The following RNPEP variants were observed in gnomAD, a reference collection of about 807,000 sequenced individuals.
RNPEP encodes the protein aminopeptidase B.
RNPEP carries 57 observed loss-of-function variants against 70.1 expected under a neutral mutation model. The observed-to-expected ratio is 0.81, with a 90% confidence interval of 0.66 to 1.01. RNPEP has a LOEUF of 1.01. Among genes scored for constraint, RNPEP ranks in the 50% least tolerant of loss-of-function variants. The pLI is 0.00. For synonymous variants in RNPEP, 335 were observed against 357.4 expected, an observed-to-expected ratio of 0.94 and a Z score of 0.71; for missense variants, 787 against 852.4, an observed-to-expected ratio of 0.92 and a Z score of 0.96.
intron 4 of RNPEP, among the ~76,000 whole-genome samples, 155 bp from the exon 5 acceptor site, chr1:201,997,164 G>A (rs1030192146): frequency 1.4e-5 from 2 of 143,360 alleles, no homozygotes; most frequent in Admixed American, 6.9e-5. Context: ...GCATTGAGGA[G>A]CCTGGGCTTT....
rs536367530 is a variant in RNPEP, at chr1:201,985,377, G to A, written c.447+2264G>A. 9.9e-5 allele frequency among the ~76,000 whole-genome samples: 15 copies of A among 151,912 alleles called. No homozygotes were observed. The South Asian group carries it at 2.1e-3, about 21-fold the overall frequency. On this transcript the variant is annotated intron_variant, in intron 1 of 10. Coordinates refer to ENST00000295640, the MANE Select transcript of RNPEP (RefSeq NM_020216.4). ...CCACCTTAGCCTCCTGAGTAGCTGG[G>A]GTAGCTGGGACCAACCACAGACCTG...
At chr1:202,002,271 C>T (rs987991157) in intron 8 of RNPEP, among the ~76,000 whole-genome samples, 5 of 151,316 alleles carry the variant, frequency 3.3e-5, no homozygotes, top group African/African-American at 1.2e-4. Context: ...TCAAGCGATT[C>T]TCCTGCCTCA....
At chr1:201,991,365 G>A (rs560071879) in intron 3 of RNPEP, among the ~76,000 whole-genome samples, 15 of 152,176 alleles carry the variant, frequency 9.9e-5, no homozygotes, top group African/African-American at 2.9e-4. Context: ...CATCCACCTC[G>A]GCCTCCCAAA....
chr1:201,991,962 C>T (rs778499649), intron 3 of RNPEP, among the ~76,000 whole-genome samples: 15 of 152,214 alleles, frequency 9.9e-5, no homozygotes, highest in Middle Eastern at 3.4e-3. Context: ...TCATCTTTGG[C>T]GACTTTTCTC....
chr1:202,003,203 G>T (rs1276987350), intron 8 of RNPEP, 34 bp from the exon 9 acceptor site: 1 of 1,553,340 alleles, frequency 6.4e-7, no homozygotes, highest in African/African-American at 1.4e-5. Flanking sequence ...CCTGGCCAGA[G>T]AATTCTGATA....
chr1:201,992,383 C>T (rs1462630175), intron 3 of RNPEP, among the ~76,000 whole-genome samples: 4 of 152,124 alleles, frequency 2.6e-5, no homozygotes, highest in African/African-American at 9.7e-5. Context: ...CTGTCAGCCA[C>T]CCATATTCAC....
rs143734127 is a variant in RNPEP, at chr1:201,988,556, A to C, written c.448-348A>C. Reference sequence around the variant, plus strand: ...TCACAAGTCCAAATGCAGTTGCTTCAGTAGTTTTTTGTTTGATGAGAAACT... The same window carrying C: ...TCACAAGTCCAAATGCAGTTGCTTCCGTAGTTTTTTGTTTGATGAGAAACT... On this transcript the variant is annotated intron_variant, in intron 1 of 10. Coordinates refer to ENST00000295640, the MANE Select transcript of RNPEP (RefSeq NM_020216.4). Among the ~76,000 whole-genome samples the C allele has an allele frequency of 2.7e-3, 404 of 152,058 alleles. 5 individuals are homozygous for C. The highest frequency in any genetic ancestry group is 9.4e-3 in the African/African-American group (390 of 41,470).
At chr1:202,002,784 T>A (rs1015779899) in intron 8 of RNPEP, among the ~76,000 whole-genome samples, 6 of 152,174 alleles carry the variant, frequency 3.9e-5, no homozygotes, top group African/African-American at 1.4e-4. Flanking sequence ...CTCATAACCA[T>A]CACGGAGGCA....
intron 1 of RNPEP, among the ~76,000 whole-genome samples, chr1:201,985,780 T>G (rs1283877558): frequency 1.3e-5 from 2 of 152,190 alleles, no homozygotes; most frequent in Non-Finnish European, 2.9e-5. Flanking sequence ...GAGTCCATAG[T>G]TTTTTCAGAT....
chr1:202,002,278 C>T (rs1213908714), intron 8 of RNPEP, among the ~76,000 whole-genome samples: 4 of 152,082 alleles, frequency 2.6e-5, no homozygotes, highest in African/African-American at 9.7e-5. Flanking sequence ...ATTCTCCTGC[C>T]TCAGCCTCCC....
intron 1 of RNPEP, among the ~76,000 whole-genome samples, chr1:201,987,777 A>G (rs1440295845): frequency 6.6e-6 from 1 of 152,088 alleles, no homozygotes; most frequent in African/African-American, 2.4e-5. Context: ...GAACACAGAT[A>G]AAGAATCATA....
intron 1 of RNPEP, among the ~76,000 whole-genome samples, chr1:201,987,348 T>C (rs4950809): frequency 0.99 from 150,906 of 151,740 alleles, 75,042 homozygotes; most frequent in East Asian, 1. Context: ...CTATGCTCCA[T>C]CCTGCCCCTC....
chr1:202,004,147 C>G (rs1433537611), intron 9 of RNPEP, among the ~76,000 whole-genome samples: 2 of 152,160 alleles, frequency 1.3e-5, no homozygotes, highest in Non-Finnish European at 2.9e-5. Flanking sequence ...ACCTCAGCCT[C>G]CAAGTAGCTG....
At chr1:201,986,542 T>C (rs1274726744) in intron 1 of RNPEP, among the ~76,000 whole-genome samples, 5 of 151,324 alleles carry the variant, frequency 3.3e-5, no homozygotes, top group Admixed American at 6.6e-5. Flanking sequence ...CTTTCTTTTT[T>C]TTTTTTTTTT....
chr1:201,998,035 T>C (rs1683631535), intron 5 of RNPEP, among the ~76,000 whole-genome samples: 1 of 152,184 alleles, frequency 6.6e-6, no homozygotes. Flanking sequence ...AGTGCCAGGA[T>C]TACAGGCGTG....
In RNPEP at chr1:202,005,599, G is replaced by A; in HGVS notation, c.1836G>A (p.Met612Ile). The A allele has an allele frequency of 1.2e-6, 2 of 1,614,192 alleles. No homozygotes were observed. Among genetic ancestry groups the A allele is most frequent in the Non-Finnish European group, 1.7e-6 (2 of 1,180,020 alleles). The change falls in exon 11 of 11, where the codon ATG becomes ATA. Residue 612 changes from methionine (M) to isoleucine (I), a missense_variant. Coordinates refer to ENST00000295640, the MANE Select transcript of RNPEP (RefSeq NM_020216.4). The stretch of plus-strand genomic sequence containing the variant: ...CACTTCCGCTGTACCACGCAATGAT[G>A]GGTGGCAGTGAGGTGGCCCAGACCC... The part of the protein sequence containing the change: ...KYTLPLYHAM[M>I]GGSEVAQTLA...
Position 202,001,709 on chromosome 1 carries a change from G to A in RNPEP, c.1368G>A (p.Leu456=), listed in dbSNP as rs369768526. Residue 456 remains leucine, a synonymous_variant, in exon 8 of 11, where the codon CTG becomes CTA. Transcript: ENST00000295640. ...KFRSILADDF[L]DFYLEYFPEL... ...GAAGCATCTTAGCCGATGACTTTCTGGACTTCTACTTGGAATATTTCCCTG... is the reference window on the plus strand; with the variant it reads ...GAAGCATCTTAGCCGATGACTTTCTAGACTTCTACTTGGAATATTTCCCTG... 53 of 1,613,586 alleles carry A rather than the reference G, an allele frequency of 3.3e-5. No homozygotes were observed. The highest frequency in any genetic ancestry group is 4.4e-5 in the Non-Finnish European group (52 of 1,179,684).
In RNPEP at chr1:202,001,378, G is replaced by A. The variant is rs368925698; in HGVS notation, c.1207G>A (p.Val403Ile). Residue 403 changes from valine (V) to isoleucine (I), a missense_variant and splice_region_variant, in exon 7 of 11, where the codon GTT becomes ATT. By Grantham distance (29) the Val-to-Ile change is conservative. Transcript: ENST00000295640. ...NKLRVKIEPG[V>I]DPDDTYNETP... ...TTGTCTGCTTTCTCCTCTGCCAGGC[G>A]TTGACCCGGACGACACCTATAATGA... 14 of 1,611,546 alleles carry A rather than the reference G, an allele frequency of 8.7e-6. No homozygotes were observed. The highest frequency in any genetic ancestry group is 5.5e-5 in the South Asian group (5 of 91,040).
intron 1 of RNPEP, among the ~76,000 whole-genome samples, chr1:201,988,113 C>CT (rs1683195009): frequency 6.7e-6 from 1 of 150,172 alleles, no homozygotes; most frequent in Admixed American, 6.6e-5. Flanking sequence ...GCACTCCAGC[C>CT]TGGGCGACAA....
Sources: gnomAD v4.1 joint callset for allele counts (sites outside exome capture counted in the v4.1 genomes callset) on GRCh38, gnomAD v4.1.1 for gene constraint, MANE v1.5 for transcripts, NCBI Gene and HGNC (gene_info 2026-07-23, HGNC 2026-07-21) for gene names.